Variants in LYPLA1 observed in about 807,000 individuals in gnomAD.
The protein encoded by LYPLA1 is lysophospholipase 1, also known as acyl-protein thioesterase 1.
A neutral mutation model predicts 34.0 loss-of-function variants in LYPLA1; 17 were observed. That is an observed-to-expected ratio of 0.50 (90% CI 0.34 to 0.75). The LOEUF (loss-of-function observed/expected upper bound fraction) is 0.75, where lower values mean the gene tolerates loss of function less well. Ranked by LOEUF, LYPLA1 falls within the 30% of genes least tolerant of loss-of-function variation. The probability of loss-of-function intolerance (pLI) is 0.01; values close to 1 mark genes in which losing one functional copy is unlikely to be tolerated. For synonymous variants in LYPLA1, 98 were observed against 100.8 expected (o/e 0.97, Z 0.17); for missense variants, 203 against 288.8 (o/e 0.70, Z 2.15).
At chr8:54,085,854 G>T (rs181261280) in intron 2 of LYPLA1, among the ~76,000 whole-genome samples, 5,631 of 147,530 alleles carry the variant, frequency 0.038, 340 homozygotes, top group African/African-American at 0.13. Context: ...TCCGCGAGGT[G>T]GGGGGGGCGC....
intron 2 of LYPLA1, among the ~76,000 whole-genome samples, chr8:54,078,632 C>A (rs1402709638): frequency 6.6e-6 from 1 of 152,150 alleles, no homozygotes; most frequent in African/African-American, 2.4e-5. Context: ...TTCTGGGCTA[C>A]CTGCTGCTTA....
Position 54,049,557 on chromosome 8 carries a change from C to T in LYPLA1, c.640-1439G>A, listed in dbSNP as rs144466518. On this transcript the variant is annotated intron_variant, in intron 8 of 8. Coordinates refer to ENST00000316963, the MANE Select transcript of LYPLA1 (RefSeq NM_006330.4). ...GGAACCACAGGTGCCCGCCACCTCACCCGGCCTGTCCTCTTCTATCTTGAT... is the reference window on the plus strand; with the variant it reads ...GGAACCACAGGTGCCCGCCACCTCATCCGGCCTGTCCTCTTCTATCTTGAT... Among the ~76,000 whole-genome samples the T allele has an allele frequency of 6.6e-5, 10 of 152,304 alleles. 1 individual carries two copies. The highest frequency in any genetic ancestry group is 2.4e-4 in the African/African-American group (10 of 41,570).
chr8:54,084,249 A>G (rs1163041198), intron 2 of LYPLA1, among the ~76,000 whole-genome samples: 3 of 150,404 alleles, frequency 2.0e-5, no homozygotes, highest in Non-Finnish European at 4.4e-5. Flanking sequence ...AAACAGAAAG[A>G]AGAAAATAAT....
chr8:54,057,777 T>C (rs1230729334), intron 5 of LYPLA1, among the ~76,000 whole-genome samples: 2 of 152,190 alleles, frequency 1.3e-5, no homozygotes, highest in Non-Finnish European at 2.9e-5. Context: ...AGTAACTTAG[T>C]GTACATTTTA....
At chr8:54,053,433 A>G in intron 6 of LYPLA1, 1 of 334,692 alleles carries the variant, frequency 3.0e-6, no homozygotes, top group South Asian at 2.4e-5. Flanking sequence ...ATTTAAGATA[A>G]TAATAACTAT....
At chr8:54,088,581 CT>C (rs1169063486) in intron 2 of LYPLA1, among the ~76,000 whole-genome samples, 1 of 152,166 alleles carries the variant, frequency 6.6e-6, no homozygotes, top group Non-Finnish European at 1.5e-5. Flanking sequence ...AAACATAGAG[CT>C]ACCATTGACT....
In LYPLA1 at chr8:54,063,310, A is replaced by C; in HGVS notation, c.215+18T>G. On this transcript the variant is annotated intron_variant, in intron 4 of 8. Coordinates refer to ENST00000316963, the MANE Select transcript of LYPLA1 (RefSeq NM_006330.4). The stretch of plus-strand genomic sequence containing the variant: ...AAGTAATATAATGTTCTTATTCAAT[A>C]AGTAAATTCTTACTTACCATGAAGG... 7.1e-7 allele frequency: 1 copy of C among 1,416,068 alleles called. No homozygotes were observed. Among genetic ancestry groups the C allele is most frequent in the Non-Finnish European group, 9.6e-7 (1 of 1,043,528 alleles). 87.7% of individuals were successfully genotyped at this position (1,416,068 alleles called of 1,614,324 possible). A position where few individuals can be genotyped will look rare whatever the true frequency, so the allele number is the denominator to read the frequency against.
chr8:54,097,056 C>T (rs1809741056), intron 2 of LYPLA1, among the ~76,000 whole-genome samples: 1 of 152,040 alleles, frequency 6.6e-6, no homozygotes, highest in Non-Finnish European at 1.5e-5. Context: ...AAATGATTGA[C>T]TCAAGCAATT....
chr8:54,095,755 T>A (rs1809634423), intron 2 of LYPLA1, among the ~76,000 whole-genome samples: 1 of 151,888 alleles, frequency 6.6e-6, no homozygotes, highest in Non-Finnish European at 1.5e-5. Context: ...TACACTTTTT[T>A]TTTTTTTTTT....
chr8:54,085,693 A>G (rs112133289), intron 2 of LYPLA1, among the ~76,000 whole-genome samples: 19,672 of 149,666 alleles, frequency 0.13, 3,373 homozygotes, highest in African/African-American at 0.41. Context: ...GGTGAGGAGC[A>G]TCTCTGACCA....
chr8:54,085,784 G>A (rs1301652731), intron 2 of LYPLA1, among the ~76,000 whole-genome samples: 98 of 137,288 alleles, frequency 7.1e-4, no homozygotes, highest in African/African-American at 2.5e-3. Context: ...CCCCCACCCC[G>A]GCCAGCCGCC....
intron 2 of LYPLA1, among the ~76,000 whole-genome samples, chr8:54,075,457 C>T (rs547977085): frequency 1.4e-4 from 22 of 152,284 alleles, no homozygotes; most frequent in African/African-American, 5.3e-4. Flanking sequence ...CATGTCGAGA[C>T]GGACGCTGAG....
At chr8:54,065,863 A>G (rs965993188) in intron 2 of LYPLA1, 50 bp from the exon 3 acceptor site, 1 of 1,163,498 alleles carries the variant, frequency 8.6e-7, no homozygotes, top group Non-Finnish European at 1.3e-6. Flanking sequence ...TTTAAATCCC[A>G]GTAAGTAAGT....
At chr8:54,098,002 C>T (rs1038829329) in intron 2 of LYPLA1, among the ~76,000 whole-genome samples, 1 of 152,086 alleles carries the variant, frequency 6.6e-6, no homozygotes, top group Non-Finnish European at 1.5e-5. Flanking sequence ...GCGGGCAGAT[C>T]GCTTGAGGTC....
chr8:54,101,591 C>T (rs1053789372), intron 1 of LYPLA1, 164 bp downstream of exon 1: 17 of 1,150,246 alleles, frequency 1.5e-5, no homozygotes, highest in Non-Finnish European at 1.7e-5. Flanking sequence ...GCTGCCCCCG[C>T]CCCCCGCGGA....
chr8:54,043,727 A>T (rs952255067), downstream of LYPLA1, among the ~76,000 whole-genome samples: 20 of 151,772 alleles, frequency 1.3e-4, no homozygotes, highest in Non-Finnish European at 2.9e-5. Flanking sequence ...ACTCCCGGCT[A>T]ATTTCATATT....
At chr8:54,046,199 A>G (rs542914930), downstream of LYPLA1, among the ~76,000 whole-genome samples, 3 of 152,344 alleles carry the variant, frequency 2.0e-5, no homozygotes, top group African/African-American at 7.2e-5. Flanking sequence ...TTAAAACTGA[A>G]TAACATGAGA....
intron 5 of LYPLA1, among the ~76,000 whole-genome samples, chr8:54,060,132 CT>C (rs112722082): frequency 6.6e-6 from 1 of 151,180 alleles, no homozygotes; most frequent in Non-Finnish European, 1.5e-5. Flanking sequence ...TTCTTTCTTT[CT>C]TTTTTTCCTG....
intron 2 of LYPLA1, among the ~76,000 whole-genome samples, chr8:54,072,041 T>C (rs1429198145): frequency 6.6e-6 from 1 of 151,764 alleles, no homozygotes; most frequent in African/African-American, 2.4e-5. Context: ...AACAGACACA[T>C]AGACCAATCA....
Sources: gnomAD v4.1 joint callset for allele counts (sites outside exome capture counted in the v4.1 genomes callset) on GRCh38, gnomAD v4.1.1 for gene constraint, MANE v1.5 for transcripts, NCBI Gene and HGNC (gene_info 2026-07-23, HGNC 2026-07-21) for gene names.